NETO1: variants seen among roughly 807,000 people sequenced by gnomAD.
NETO1 encodes the protein neuropilin and tolloid-like protein 1.
A neutral mutation model predicts 61.3 loss-of-function variants in NETO1; 26 were observed. The observed-to-expected ratio is 0.42, with a 90% CI of 0.31 to 0.59. The LOEUF is 0.59. Among genes scored for constraint, NETO1 ranks in the 20% least tolerant of loss-of-function variants. The pLI, the probability that NETO1 is intolerant of heterozygous loss-of-function variation, is 0.12. For missense variants in NETO1, 531 were observed against 662.8 expected (o/e 0.80, Z 2.18); for synonymous variants, 225 against 225.8 (o/e 1.00, Z 0.03).
chr18:72,818,524 A>C (rs745542841), intron 4 of NETO1, among the ~76,000 whole-genome samples: 1 of 152,178 alleles, frequency 6.6e-6, no homozygotes, highest in African/African-American at 2.4e-5. Context: ...CGAAATTTTC[A>C]TATGTGATTT....
At chr18:72,867,128 C>G in intron 1 of NETO1, 136 bp downstream of exon 1, 1 of 607,496 alleles carries the variant, frequency 1.6e-6, no homozygotes, top group Non-Finnish European at 2.6e-6. Flanking sequence ...AGAAAGTTTA[C>G]GTCGGCCCCG....
chr18:72,762,864 C>T (rs1230261753), intron 7 of NETO1, among the ~76,000 whole-genome samples: 4 of 151,958 alleles, frequency 2.6e-5, no homozygotes, highest in African/African-American at 4.8e-5. Flanking sequence ...TAGCAGGGGA[C>T]GACAAATCTC....
chr18:72,772,569 G>C (rs2071386295), intron 7 of NETO1, among the ~76,000 whole-genome samples: 1 of 151,718 alleles, frequency 6.6e-6, no homozygotes, highest in Non-Finnish European at 1.5e-5. Flanking sequence ...AGGAAGAATG[G>C]AGAATAAACA....
In NETO1 at chr18:72,772,397, G is replaced by A. The variant is rs917228009; in HGVS notation, c.868+11281C>T. Among the ~76,000 whole-genome samples, 8 of 152,112 alleles carry A rather than the reference G, an allele frequency of 5.3e-5. No homozygotes were observed. In the South Asian group the frequency reaches 1.2e-3, roughly 24 times the overall value. Reference sequence around the variant, plus strand: ...TTCAAATCTCATCTAAGTCTCATCGGTTCAAAGTCCAGAGTCTCCTTGTTT... The same window carrying A: ...TTCAAATCTCATCTAAGTCTCATCGATTCAAAGTCCAGAGTCTCCTTGTTT... On this transcript the variant is annotated intron_variant, in intron 7 of 10. Coordinates refer to ENST00000327305, the MANE Select transcript of NETO1 (RefSeq NM_138966.5).
At chr18:72,801,448 A>G (rs1257647296) in intron 4 of NETO1, among the ~76,000 whole-genome samples, 1 of 152,186 alleles carries the variant, frequency 6.6e-6, no homozygotes, top group Non-Finnish European at 1.5e-5. Flanking sequence ...TTTTCCAGAT[A>G]TTACATGACA....
intron 4 of NETO1, among the ~76,000 whole-genome samples, chr18:72,838,140 T>C (rs1470923554): frequency 6.6e-6 from 1 of 152,232 alleles, no homozygotes; most frequent in Non-Finnish European, 1.5e-5. Context: ...GTCCTCCTTC[T>C]TCCTGGTTCC....
chr18:72,805,886 G>A (rs576359656), intron 4 of NETO1, among the ~76,000 whole-genome samples: 197 of 152,156 alleles, frequency 1.3e-3, no homozygotes, highest in South Asian at 0.01. Flanking sequence ...TGATGTTGGA[G>A]CTATGGTTAA....
chr18:72,861,216 T>G (rs2074562338), intron 3 of NETO1, among the ~76,000 whole-genome samples: 1 of 152,234 alleles, frequency 6.6e-6, no homozygotes, highest in African/African-American at 2.4e-5. Flanking sequence ...TTATGGCTTT[T>G]GGTAGGCAAC....
intron 4 of NETO1, chr18:72,834,692 G>A (rs994766308): frequency 3.0e-6 from 3 of 984,882 alleles, no homozygotes; most frequent in Admixed American, 6.2e-5. Context: ...CTCTCGGAAT[G>A]GGCGAATAAT....
chr18:72,772,825 C>CTATATA (rs59339805), intron 7 of NETO1, among the ~76,000 whole-genome samples: 38 of 40,794 alleles, frequency 9.3e-4, no homozygotes, highest in South Asian at 1.5e-3. Context: ...CTCTCTCTCT[C>CTATATA]TATATATATA....
chr18:72,782,003 C>G (rs1006147041), intron 7 of NETO1, among the ~76,000 whole-genome samples: 4 of 152,126 alleles, frequency 2.6e-5, no homozygotes, highest in African/African-American at 9.7e-5. Flanking sequence ...TTTTCCCAAC[C>G]TCCACCCTCA....
intron 7 of NETO1, among the ~76,000 whole-genome samples, chr18:72,760,737 T>C (rs2145128813): frequency 6.6e-6 from 1 of 150,564 alleles, no homozygotes; most frequent in East Asian, 2.0e-4. Context: ...GTCAGCAGCA[T>C]GAATACAAAC....
rs751495956 is a variant in NETO1 at position 72,744,804 on chromosome 18, C to T, written c.*3375G>A. On this transcript the variant is annotated 3_prime_UTR_variant, in exon 11 of 11. Transcript: ENST00000327305. ...GTAAATTAATTGCCGCCACTTTAAT[C>T]AAGGTAATAGGAACCAGGGGGTCAT... 6.6e-6 allele frequency: 1 copy of T among 152,058 alleles called. No individual in the cohort carries two copies. The highest frequency in any genetic ancestry group is 1.5e-5 in the Non-Finnish European group (1 of 68,022). 9.4% of individuals were successfully genotyped at this position (152,058 alleles called of 1,614,324 possible). A position where few individuals can be genotyped will look rare whatever the true frequency, so the allele number is the denominator to read the frequency against.
intron 4 of NETO1, among the ~76,000 whole-genome samples, chr18:72,801,489 T>A (rs558835351): frequency 1.0e-3 from 156 of 152,306 alleles, no homozygotes; most frequent in African/African-American, 3.6e-3. Flanking sequence ...ATAAAGTATG[T>A]GAATGTATTT....
chr18:72,846,503 T>A (rs1261652213), intron 4 of NETO1, among the ~76,000 whole-genome samples: 1 of 3,008 alleles, frequency 3.3e-4, no homozygotes, highest in Non-Finnish European at 6.9e-4. Context: ...AGACTTCATC[T>A]CAAAAAAAAA....
chr18:72,865,057 T>TC, intron 2 of NETO1, 112 bp from the exon 3 acceptor site: 1 of 1,423,364 alleles, frequency 7.0e-7, no homozygotes, highest in African/African-American at 1.5e-5. Flanking sequence ...TTAAATGTTG[T>TC]CTTAGCCAAA....
intron 4 of NETO1, among the ~76,000 whole-genome samples, chr18:72,823,112 T>A (rs72968312): frequency 0.052 from 7,873 of 152,320 alleles, 270 homozygotes; most frequent in South Asian, 0.095. Context: ...TTCTGACTTC[T>A]TTCATGTCCT....
In NETO1 at chr18:72,794,140, T is replaced by A; in HGVS notation, c.616A>T (p.Ile206Phe). The A allele has an allele frequency of 6.2e-7, 1 of 1,614,184 alleles. No homozygotes were observed. The highest frequency in any genetic ancestry group is 8.5e-7 in the Non-Finnish European group (1 of 1,180,030). The part of the protein sequence containing the change: ...ASEAVDCKWY[I>F]RAPPRSKIYL... Reference sequence around the variant, plus strand: ...ACCTTGGACCGTGGAGGTGCTCGGATGTACCACTTGCAATCAACAGCCTCG... The same window carrying A: ...ACCTTGGACCGTGGAGGTGCTCGGAAGTACCACTTGCAATCAACAGCCTCG... Residue 206 changes from isoleucine to phenylalanine, a missense_variant, in exon 6 of 11, where the codon ATC becomes TTC. Transcript: ENST00000327305.
At chr18:72,845,390 A>T (rs1480752777) in intron 4 of NETO1, among the ~76,000 whole-genome samples, 1 of 152,212 alleles carries the variant, frequency 6.6e-6, no homozygotes, top group Non-Finnish European at 1.5e-5. Context: ...TCCATGTTTA[A>T]CTATGTTTCA....
Sources: gnomAD v4.1 joint callset for allele counts (sites outside exome capture counted in the v4.1 genomes callset) on GRCh38, gnomAD v4.1.1 for gene constraint, MANE v1.5 for transcripts, NCBI Gene and HGNC (gene_info 2026-07-23, HGNC 2026-07-21) for gene names.